PCOLCE2: variants seen among roughly 807,000 people sequenced by gnomAD.
PCOLCE2 encodes procollagen C-endopeptidase enhancer 2.
PCOLCE2 carries 42 observed loss-of-function variants against 47.0 expected under a neutral mutation model. The ratio of observed to expected loss-of-function variants is 0.89; its 90% CI spans 0.70 to 1.16. PCOLCE2 has a LOEUF of 1.16. Among genes scored for constraint, PCOLCE2 ranks in the 50% most tolerant of loss-of-function variants. PCOLCE2 has a pLI of 0.00. For synonymous variants in PCOLCE2, 169 were observed against 191.7 expected (o/e 0.88, Z 0.98); for missense variants, 500 against 526.1 (o/e 0.95, Z 0.49).
At chr3:142,848,687 G>T (rs72994531) in intron 2 of PCOLCE2, among the ~76,000 whole-genome samples, 2,049 of 152,142 alleles carry the variant, frequency 0.013, 53 homozygotes, top group African/African-American at 0.047. Flanking sequence ...AATTCTCCAG[G>T]ATTCACAATC....
intron 2 of PCOLCE2, among the ~76,000 whole-genome samples, chr3:142,873,045 C>T (rs1295874738): frequency 6.6e-6 from 1 of 151,994 alleles, no homozygotes; most frequent in East Asian, 1.9e-4. Flanking sequence ...ATAATCTCAT[C>T]TCTATCATTC....
chr3:142,851,842 T>C (rs955208531), intron 2 of PCOLCE2, among the ~76,000 whole-genome samples: 2 of 152,172 alleles, frequency 1.3e-5, no homozygotes, highest in Non-Finnish European at 2.9e-5. Flanking sequence ...CTTGGTTCTC[T>C]GACACTACGT....
intron 2 of PCOLCE2, among the ~76,000 whole-genome samples, chr3:142,877,353 A>G (rs1218847097): frequency 6.6e-6 from 1 of 152,176 alleles, no homozygotes; most frequent in Non-Finnish European, 1.5e-5. Flanking sequence ...AGGAATGGGT[A>G]TTTCCAATGG....
intron 2 of PCOLCE2, among the ~76,000 whole-genome samples, chr3:142,858,499 TGCGCACAC>T (rs1933113503): frequency 6.6e-6 from 1 of 152,186 alleles, no homozygotes; most frequent in South Asian, 2.1e-4. Flanking sequence ...CACACACACA[TGCGCACAC>T]ATATATGTGC....
chr3:142,843,613 A>G (rs1043905619), intron 3 of PCOLCE2, among the ~76,000 whole-genome samples: 1 of 152,018 alleles, frequency 6.6e-6, no homozygotes, highest in African/African-American at 2.4e-5. Context: ...CCAAATCCCC[A>G]GTTTTAGCCA....
chr3:142,880,157 T>C, intron 2 of PCOLCE2, among the ~76,000 whole-genome samples: 2 of 151,106 alleles, frequency 1.3e-5, no homozygotes, highest in East Asian at 1.9e-4. Flanking sequence ...ATAAAAATAA[T>C]ACTAACTCAA....
chr3:142,862,535 T>C (rs1933198933), intron 2 of PCOLCE2, among the ~76,000 whole-genome samples: 1 of 152,198 alleles, frequency 6.6e-6, no homozygotes. Flanking sequence ...AATACTGAAA[T>C]AAATGCTTAA....
intron 2 of PCOLCE2, among the ~76,000 whole-genome samples, chr3:142,863,303 A>C (rs1224522801): frequency 6.6e-6 from 1 of 152,172 alleles, no homozygotes; most frequent in East Asian, 1.9e-4. Context: ...AAGGAGAGAA[A>C]GGTTTGATGT....
At chr3:142,877,931 A>G (rs1484326772) in intron 2 of PCOLCE2, among the ~76,000 whole-genome samples, 1 of 152,204 alleles carries the variant, frequency 6.6e-6, no homozygotes, top group African/African-American at 2.4e-5. Flanking sequence ...GTTTTAATGA[A>G]TGAATGAATG....
At chr3:142,856,801 G>T (rs920912983) in intron 2 of PCOLCE2, among the ~76,000 whole-genome samples, 9 of 152,086 alleles carry the variant, frequency 5.9e-5, no homozygotes, top group Non-Finnish European at 1.3e-4. Context: ...GGACATAAGT[G>T]GTGGCAAATC....
Position 142,818,421 on chromosome 3 carries a change from C to T in PCOLCE2, c.1162G>A (p.Gly388Ser). Residue 388 changes from glycine (G) to serine (S), a missense_variant, in exon 9 of 9, where the codon GGC (glycine) becomes AGC (serine). By Grantham distance (56) the Gly-to-Ser change is moderately conservative. Transcript: ENST00000295992. Reference sequence around the variant, plus strand: ...ATAAAGCTGTTTGGCATGATTTTGCCTCGCCCATCTTCACCTACTTGGCCC... The same window carrying T: ...ATAAAGCTGTTTGGCATGATTTTGCTTCGCCCATCTTCACCTACTTGGCCC... Reference protein sequence around the residue: ...IMGQVGEDGRGKIMPNSFIMM... With the variant: ...IMGQVGEDGRSKIMPNSFIMM... 6.2e-7 allele frequency: 1 copy of T among 1,612,984 alleles called. No individual in the cohort carries two copies. The highest frequency in any genetic ancestry group is 8.5e-7 in the Non-Finnish European group (1 of 1,179,154).
At chr3:142,847,910 C>T (rs1937344593) in intron 3 of PCOLCE2, among the ~76,000 whole-genome samples, 1 of 152,212 alleles carries the variant, frequency 6.6e-6, no homozygotes, top group Admixed American at 6.5e-5. Flanking sequence ...GTATGGGAAC[C>T]ACTGGCCATG....
intron 2 of PCOLCE2, among the ~76,000 whole-genome samples, chr3:142,880,043 C>A (rs180903145): frequency 6.7e-6 from 1 of 149,442 alleles, no homozygotes. Flanking sequence ...ATAAACAACC[C>A]CACCCCCCCA....
chr3:142,820,815 G>T (rs1363340255), intron 8 of PCOLCE2, 63 bp downstream of exon 8: 3 of 1,454,220 alleles, frequency 2.1e-6, no homozygotes, highest in Non-Finnish European at 2.9e-6. Context: ...TACTTCCCTA[G>T]ACCAACCATG....
intron 2 of PCOLCE2, among the ~76,000 whole-genome samples, chr3:142,882,394 A>T (rs1259287128): frequency 6.6e-6 from 1 of 152,032 alleles, no homozygotes; most frequent in Non-Finnish European, 1.5e-5. Context: ...TTCTAGGTGG[A>T]CCCCAAGACT....
chr3:142,848,512 C>T (rs1274337768), intron 2 of PCOLCE2, 40 bp from the exon 3 acceptor site: 1 of 1,548,200 alleles, frequency 6.5e-7, no homozygotes, highest in Non-Finnish European at 8.8e-7. Context: ...GTCATGAAAA[C>T]AATATCTGAG....
intron 2 of PCOLCE2, among the ~76,000 whole-genome samples, chr3:142,860,906 G>A (rs571969217): frequency 5.3e-5 from 8 of 152,178 alleles, no homozygotes; most frequent in Non-Finnish European, 1.2e-4. Flanking sequence ...GCTGTGGGCT[G>A]GGACTTCACT....
At chr3:142,824,732 C>T (rs1396230708) in intron 6 of PCOLCE2, among the ~76,000 whole-genome samples, 3 of 152,156 alleles carry the variant, frequency 2.0e-5, no homozygotes, top group South Asian at 2.1e-4. Context: ...CTCCACCTCC[C>T]GGGTTCAAGC....
chr3:142,825,169 G>A (rs1162184928), intron 6 of PCOLCE2, among the ~76,000 whole-genome samples: 2 of 152,136 alleles, frequency 1.3e-5, no homozygotes, highest in Non-Finnish European at 2.9e-5. Flanking sequence ...TCAGTTAACT[G>A]AGTCAAAAAG....
Sources: allele counts gnomAD v4.1 joint callset (sites outside exome capture counted in the v4.1 genomes callset), GRCh38; gene constraint gnomAD v4.1.1; transcripts MANE v1.5; gene names NCBI Gene and HGNC (gene_info 2026-07-23, HGNC 2026-07-21).